JDP2: variants seen among roughly 807,000 people sequenced by gnomAD.
JDP2 encodes Jun dimerization protein 2, also known as progesterone receptor co-activator.
A neutral mutation model predicts 17.1 loss-of-function variants in JDP2; 9 were observed. The ratio of observed to expected loss-of-function variants is 0.53; its 90% confidence interval spans 0.32 to 0.92. JDP2 has a LOEUF of 0.92. Ranked by LOEUF, JDP2 falls within the 40% of genes least tolerant of loss-of-function variation. The pLI is 0.04. For missense variants in JDP2, 179 were observed against 220.0 expected (o/e 0.81, Z 1.18); for synonymous variants, 107 against 95.6 (o/e 1.12, Z -0.69).
rs1178683969 is a variant in JDP2, at chr14:75,473,309, A to C, written c.*3834A>C. The stretch of plus-strand genomic sequence containing the variant: ...AGCCAAGATTGCGCCACTGCACTCC[A>C]GCCTGGGTGACAGAGCGAGACTCCA... On this transcript the variant is annotated 3_prime_UTR_variant, in exon 4 of 4. Coordinates refer to ENST00000651602, the MANE Select transcript of JDP2 (RefSeq NM_001135048.2). 6.6e-6 allele frequency: 1 copy of C among 152,242 alleles called. No individual in the cohort carries two copies. Among genetic ancestry groups the C allele is most frequent in the Non-Finnish European group, 1.5e-5 (1 of 68,050 alleles). 9.4% of individuals were successfully genotyped at this position (152,242 alleles called of 1,614,324 possible).
intron 3 of JDP2, among the ~76,000 whole-genome samples, chr14:75,463,400 C>T (rs1200820454): frequency 3.3e-5 from 5 of 152,168 alleles, no homozygotes; most frequent in Non-Finnish European, 5.9e-5. Flanking sequence ...CTGATCCACC[C>T]GTCCATTTAG....
rs11447816 is a variant in JDP2 at position 75,433,547 on chromosome 14, C to CTT, written c.-23-4335_-23-4334dup. On this transcript the variant is annotated intron_variant, in intron 1 of 3. Transcript: ENST00000651602. Reference sequence around the variant, plus strand: ...AGAGTAGGGAGTACAGCTCTCAGACCTTTTTTTTTTTTTTTTTCAAGTTCT... The same window carrying CTT: ...AGAGTAGGGAGTACAGCTCTCAGACCTTTTTTTTTTTTTTTTTTTCAAGTTCT... Among the ~76,000 whole-genome samples the CTT allele has an allele frequency of 1.2e-3, 143 of 116,646 alleles. 2 individuals carry two copies. Among genetic ancestry groups the CTT allele is most frequent in the African/African-American group, 4.3e-3 (121 of 27,964 alleles). 76.5% of individuals were successfully genotyped at this position (116,646 alleles called of 152,430 possible). A position where few individuals can be genotyped will look rare whatever the true frequency, so the allele number is the denominator to read the frequency against.
chr14:75,459,289 C>T lies in JDP2; in HGVS notation c.202-2137C>T, dbSNP rs374937036. On this transcript the variant is annotated intron_variant, in intron 2 of 3. Coordinates refer to ENST00000651602, the MANE Select transcript of JDP2 (RefSeq NM_001135048.2). Reference sequence around the variant, plus strand: ...TGTTGGGGGTGAGGTTAAGGTTGGGCGGAATCAATTTCAGCCAGGTTTCTA... The same window carrying T: ...TGTTGGGGGTGAGGTTAAGGTTGGGTGGAATCAATTTCAGCCAGGTTTCTA... Among the ~76,000 whole-genome samples the T allele has an allele frequency of 2.0e-5, 3 of 152,310 alleles. 1 individual carries two copies. Among genetic ancestry groups the T allele is most frequent in the East Asian group, 3.9e-4 (2 of 5,182 alleles).
intron 3 of JDP2, among the ~76,000 whole-genome samples, chr14:75,466,560 A>G (rs1344860101): frequency 6.6e-6 from 1 of 152,252 alleles, no homozygotes; most frequent in Non-Finnish European, 1.5e-5. Flanking sequence ...TGATAGCTGC[A>G]TGAGTAAAGC....
intron 2 of JDP2, among the ~76,000 whole-genome samples, chr14:75,456,353 T>A (rs1323316596): frequency 6.6e-6 from 1 of 152,190 alleles, no homozygotes; most frequent in Non-Finnish European, 1.5e-5. Context: ...GTGTTCTGTG[T>A]GTTTCTCTGT....
chr14:75,449,490 A>G (rs909139628), intron 2 of JDP2, among the ~76,000 whole-genome samples: 4 of 152,224 alleles, frequency 2.6e-5, no homozygotes, highest in Non-Finnish European at 5.9e-5. Context: ...CTCTTTGAGA[A>G]GAAGACAGAT....
chr14:75,469,003 G>A (rs1235870367), intron 3 of JDP2, among the ~76,000 whole-genome samples: 2 of 152,238 alleles, frequency 1.3e-5, no homozygotes, highest in African/African-American at 4.8e-5. Context: ...GCAACAGCAA[G>A]GTGGTCACTG....
chr14:75,458,907 G>A (rs1447494522), intron 2 of JDP2, among the ~76,000 whole-genome samples: 2 of 152,218 alleles, frequency 1.3e-5, no homozygotes, highest in Non-Finnish European at 2.9e-5. Context: ...ATGCAGGAGG[G>A]GATGAACGTG....
At chr14:75,449,907 C>G (rs1885774485) in intron 2 of JDP2, among the ~76,000 whole-genome samples, 2 of 152,184 alleles carry the variant, frequency 1.3e-5, no homozygotes, top group Admixed American at 6.5e-5. Flanking sequence ...GCCTAGCTGG[C>G]TTTCTCAGGC....
chr14:75,434,313 A>T (rs1437787026), intron 1 of JDP2, among the ~76,000 whole-genome samples: 9 of 152,258 alleles, frequency 5.9e-5, no homozygotes, highest in Non-Finnish European at 1.5e-5. Flanking sequence ...CCCCACCCCC[A>T]GAAATGTTTA....
chr14:75,439,167 G>A (rs747051601), intron 2 of JDP2, among the ~76,000 whole-genome samples: 1 of 152,168 alleles, frequency 6.6e-6, no homozygotes, highest in Non-Finnish European at 1.5e-5. Context: ...CTGGGTACCC[G>A]TAGGGGAGAG....
chr14:75,437,757 G>A (rs538045972), intron 1 of JDP2, 141 bp from the exon 2 acceptor site: 28 of 601,482 alleles, frequency 4.7e-5, no homozygotes, highest in South Asian at 1.5e-4. Flanking sequence ...AGGACTTTAC[G>A]GCAGGAAGAG....
rs1430597930 is a variant in JDP2 at position 75,430,984 on chromosome 14, C to T, written c.-24+2732C>T. 6.6e-6 allele frequency among the ~76,000 whole-genome samples: 1 copy of T among 152,056 alleles called. No homozygotes were observed. Among genetic ancestry groups the T allele is most frequent in the Non-Finnish European group, 1.5e-5 (1 of 68,018 alleles). The stretch of plus-strand genomic sequence containing the variant: ...TTTAGTCTGTTTTCTTGCTGCAGCC[C>T]ACGGGATTTAGTTGCAGAGCTCCAT... On this transcript the variant is annotated intron_variant, in intron 1 of 3. Coordinates refer to ENST00000651602, the MANE Select transcript of JDP2 (RefSeq NM_001135048.2). This position sits in a 1 kb window ranked among gnomAD's most constrained non-coding sequence, Gnocchi z 4.5.
At chr14:75,456,162 A>G (rs925548571) in intron 2 of JDP2, among the ~76,000 whole-genome samples, 5 of 152,214 alleles carry the variant, frequency 3.3e-5, no homozygotes, top group African/African-American at 4.8e-5. Flanking sequence ...CATAGTCCCA[A>G]TGACAAGGAG....
At position 75,468,390 on chromosome 14, in the gene JDP2, T is replaced by C. The variant is rs150323602; in HGVS notation, c.307-900T>C. Among the ~76,000 whole-genome samples the C allele has an allele frequency of 8.0e-3, 1,219 of 152,332 alleles. 13 individuals carry two copies. The highest frequency in any genetic ancestry group is 0.027 in the African/African-American group (1,141 of 41,548). On this transcript the variant is annotated intron_variant, in intron 3 of 3. Transcript: ENST00000651602. ...GTTGAGAACCACTGGTCTGAAACTT[T>C]GCTGGCCCTCGAATAAATGCCAAGT...
At chr14:75,435,862 G>A (rs1289368888) in intron 1 of JDP2, among the ~76,000 whole-genome samples, 1 of 152,202 alleles carries the variant, frequency 6.6e-6, no homozygotes, top group African/African-American at 2.4e-5. Context: ...AGCACAGTTA[G>A]AGGAGCCTGA....
At chr14:75,469,085 C>G (rs906281497) in intron 3 of JDP2, among the ~76,000 whole-genome samples, 1 of 152,238 alleles carries the variant, frequency 6.6e-6, no homozygotes, top group African/African-American at 2.4e-5. Context: ...ATAACCTGGA[C>G]ATGACACAGG....
intron 1 of JDP2, among the ~76,000 whole-genome samples, chr14:75,429,971 C>T (rs1015722160): frequency 6.6e-6 from 1 of 151,850 alleles, no homozygotes; most frequent in Non-Finnish European, 1.5e-5. Context: ...TGGCTTTTCT[C>T]CTAGGTTGGC....
chr14:75,455,198 A>G (rs1196094290), intron 2 of JDP2, among the ~76,000 whole-genome samples: 1 of 152,150 alleles, frequency 6.6e-6, no homozygotes, highest in Non-Finnish European at 1.5e-5. Context: ...GTGGCCTTCA[A>G]GACTGCATTT....
Sources: gnomAD v4.1 joint callset for allele counts (sites outside exome capture counted in the v4.1 genomes callset) on GRCh38, gnomAD v4.1.1 for gene constraint, Gnocchi (gnomAD v3.1) non-coding constraint, MANE v1.5 for transcripts, NCBI Gene and HGNC (gene_info 2026-07-23, HGNC 2026-07-21) for gene names.